CSMD1: variants seen among roughly 807,000 people sequenced by gnomAD.
CSMD1 encodes CUB and sushi domain-containing protein 1.
CSMD1 carries 213 observed loss-of-function variants against 417.5 expected under a neutral mutation model. The observed-to-expected ratio is 0.51, with a 90% CI of 0.46 to 0.57. The LOEUF is 0.57. CSMD1 is among the 20% of genes least tolerant of loss of function. The pLI is 0.00. For missense variants in CSMD1, 6,923 were observed against 4,529.7 expected (o/e 1.53, Z -15.17); for synonymous variants, 2,862 against 1,736.8 (o/e 1.65, Z -16.11).
At chr8:4,419,288 CAT>C (rs1227619944) in intron 3 of CSMD1, among the ~76,000 whole-genome samples, 1 of 152,130 alleles carries the variant, frequency 6.6e-6, no homozygotes, top group Non-Finnish European at 1.5e-5. Context: ...AGTAGACACA[CAT>C]CGGCCTTTAA....
At chr8:4,651,288 G>A (rs1803877589) in intron 1 of CSMD1, among the ~76,000 whole-genome samples, 1 of 152,068 alleles carries the variant, frequency 6.6e-6, no homozygotes, top group African/African-American at 2.4e-5. Context: ...ATGATCAAAT[G>A]TTAAAGATTT....
chr8:3,741,681 A>C (rs1158721138), intron 6 of CSMD1, among the ~76,000 whole-genome samples: 1 of 152,220 alleles, frequency 6.6e-6, no homozygotes. Flanking sequence ...TCTAACTGGG[A>C]AATTAACACT....
rs66500235 is a variant in CSMD1 at position 3,643,700 on chromosome 8, CAAAAAAAAAAAAA to C, written c.1010-26916_1010-26904del. 6.9e-4 allele frequency among the ~76,000 whole-genome samples: 59 copies of C among 85,336 alleles called. No homozygotes were observed. In the South Asian group the frequency reaches 0.025, roughly 36 times the overall value. 56.0% of individuals were successfully genotyped at this position (85,336 alleles called of 152,430 possible). ...TGGGCGACAGCGTGAGACTCCGTCTCAAAAAAAAAAAAAAAAAAAAAAGGAAATGCCTCCTCTG... is the reference window on the plus strand; with the variant it reads ...TGGGCGACAGCGTGAGACTCCGTCTCAAAAAAAAAGGAAATGCCTCCTCTG... On this transcript the variant is annotated intron_variant, in intron 7 of 69. Transcript: ENST00000635120.
chr8:3,951,600 T>C (rs1230078420), intron 5 of CSMD1, among the ~76,000 whole-genome samples: 2 of 152,010 alleles, frequency 1.3e-5, no homozygotes, highest in Non-Finnish European at 1.5e-5. Context: ...ACGAGAGAAA[T>C]ACTACTACTC....
At chr8:4,806,244 G>C (rs983756509) in intron 1 of CSMD1, among the ~76,000 whole-genome samples, 1 of 152,100 alleles carries the variant, frequency 6.6e-6, no homozygotes, top group Non-Finnish European at 1.5e-5. Context: ...GCTTACTGAG[G>C]ATCATGCAGT....
At chr8:4,507,981 C>T (rs1047648868) in intron 2 of CSMD1, among the ~76,000 whole-genome samples, 8 of 151,690 alleles carry the variant, frequency 5.3e-5, no homozygotes, top group South Asian at 2.1e-4. Context: ...GTGTGAGAAT[C>T]CTACGAACAC....
At chr8:3,847,898 T>A (rs918617507) in intron 5 of CSMD1, among the ~76,000 whole-genome samples, 2 of 152,190 alleles carry the variant, frequency 1.3e-5, no homozygotes, top group African/African-American at 4.8e-5. Context: ...ACTCTATCCG[T>A]TTTCTCTCCT....
At chr8:4,098,997 A>C (rs1801165510) in intron 3 of CSMD1, among the ~76,000 whole-genome samples, 3 of 152,192 alleles carry the variant, frequency 2.0e-5, no homozygotes, top group Admixed American at 1.3e-4. Context: ...GAACTCTCTT[A>C]GACTCCAAAC....
intron 6 of CSMD1, among the ~76,000 whole-genome samples, chr8:3,727,004 C>T (rs564814167): frequency 6.6e-6 from 1 of 152,200 alleles, no homozygotes; most frequent in East Asian, 1.9e-4. Flanking sequence ...TGAACACAAA[C>T]CCTCAATATT....
intron 7 of CSMD1, among the ~76,000 whole-genome samples, chr8:3,704,483 G>T (rs1801055062): frequency 6.6e-6 from 1 of 152,104 alleles, no homozygotes; most frequent in Non-Finnish European, 1.5e-5. Flanking sequence ...ATAAATAAGG[G>T]GTAGTTATGC....
At chr8:3,931,888 T>G (rs1260634997) in intron 5 of CSMD1, among the ~76,000 whole-genome samples, 3 of 145,104 alleles carry the variant, frequency 2.1e-5, no homozygotes, top group African/African-American at 7.7e-5. Context: ...TGTCAGACAT[T>G]GTAGGAAAAG....
chr8:3,383,891 G>A (rs143874666), intron 18 of CSMD1, among the ~76,000 whole-genome samples: 51 of 152,264 alleles, frequency 3.3e-4, no homozygotes, highest in Admixed American at 5.9e-4. Context: ...ATTAGATGAT[G>A]AGAAGCAGCG....
chr8:3,468,107 C>T lies in CSMD1; in HGVS notation c.1561+605G>A, dbSNP rs553075203. Among the ~76,000 whole-genome samples, 5 of 152,244 alleles carry T rather than the reference C, an allele frequency of 3.3e-5. No individual in the cohort carries two copies. In the East Asian group the frequency reaches 9.6e-4, roughly 29 times the overall value. On this transcript the variant is annotated intron_variant, in intron 12 of 69. Coordinates refer to ENST00000635120, the MANE Select transcript of CSMD1 (RefSeq NM_033225.6). ...ACAACTATATAGACAATCAGAAATA[C>T]TGAAATAAACTTGCTAATCCATTTA...
Position 4,666,695 on chromosome 8 carries a change from A to G in CSMD1, c.86-29137T>C, listed in dbSNP as rs534363107. On this transcript the variant is annotated intron_variant, in intron 1 of 69. Coordinates refer to ENST00000635120, the MANE Select transcript of CSMD1 (RefSeq NM_033225.6). ...TAAACAAAGTGTCCAAATATTTTTTATTTTAAAATGTGCTGTTTTCTTACT... is the reference window on the plus strand; with the variant it reads ...TAAACAAAGTGTCCAAATATTTTTTGTTTTAAAATGTGCTGTTTTCTTACT... Among the ~76,000 whole-genome samples the G allele has an allele frequency of 2.6e-5, 4 of 152,330 alleles. No individual in the cohort carries two copies. The South Asian group carries it at 8.3e-4, about 32-fold the overall frequency.
chr8:3,459,122 A>G (rs1816335127), intron 12 of CSMD1, among the ~76,000 whole-genome samples: 1 of 152,224 alleles, frequency 6.6e-6, no homozygotes, highest in Non-Finnish European at 1.5e-5. Context: ...AGCATGCTAC[A>G]CTGTGCTACA....
intron 1 of CSMD1, among the ~76,000 whole-genome samples, chr8:4,765,108 G>A (rs1216372594): frequency 1.3e-5 from 2 of 152,032 alleles, no homozygotes; most frequent in African/African-American, 4.8e-5. Context: ...CATTCACTGG[G>A]TTCAAATCTT....
chr8:4,801,461 C>CTT (rs35128095), intron 1 of CSMD1, among the ~76,000 whole-genome samples: 111 of 150,052 alleles, frequency 7.4e-4, no homozygotes, highest in Non-Finnish European at 9.0e-4. Flanking sequence ...CCTCAGATGG[C>CTT]TTTTTTTTTT....
chr8:3,838,971 A>AT (rs1554455780), intron 5 of CSMD1, among the ~76,000 whole-genome samples: 104 of 109,682 alleles, frequency 9.5e-4, no homozygotes, highest in African/African-American at 3.4e-3. Flanking sequence ...TTAATATTAT[A>AT]TATAATATAT....
chr8:3,155,952 T>C (rs371303051), intron 39 of CSMD1, among the ~76,000 whole-genome samples: 1 of 152,208 alleles, frequency 6.6e-6, no homozygotes, highest in South Asian at 2.1e-4. Context: ...GGCAGTTAAA[T>C]TGTGTATTAC....
Sources: gnomAD v4.1 joint callset for allele counts (sites outside exome capture counted in the v4.1 genomes callset) on GRCh38, gnomAD v4.1.1 for gene constraint, MANE v1.5 for transcripts, NCBI Gene and HGNC (gene_info 2026-07-23, HGNC 2026-07-21) for gene names.